Variants in PARD3B observed in about 807,000 individuals in gnomAD.
PARD3B encodes the protein partitioning defective 3 homolog B.
A neutral mutation model predicts 130.2 loss-of-function variants in PARD3B; 103 were observed. That is an observed-to-expected ratio of 0.79 (90% confidence interval 0.67 to 0.93). PARD3B has a LOEUF of 0.93. PARD3B is among the 40% of genes least tolerant of loss of function. The pLI is 0.00. For synonymous variants in PARD3B, 583 were observed against 553.2 expected (o/e 1.05, Z -0.76); for missense variants, 1,609 against 1,499.2 (o/e 1.07, Z -1.21).
intron 19 of PARD3B, among the ~76,000 whole-genome samples, chr2:205,411,188 T>C (rs553747948): frequency 1.3e-5 from 2 of 152,280 alleles, no homozygotes; most frequent in South Asian, 4.2e-4. Flanking sequence ...CAAAGAATTA[T>C]CTGACTCATG....
chr2:205,039,455 A>C (rs1280943116), intron 3 of PARD3B, among the ~76,000 whole-genome samples: 4 of 151,970 alleles, frequency 2.6e-5, no homozygotes, highest in African/African-American at 7.2e-5. Flanking sequence ...TCTGATGGAC[A>C]GTTTATTTTA....
In PARD3B at chr2:205,458,140, T is replaced by G. The variant is rs1462026880; in HGVS notation, c.3044+17468T>G. Among the ~76,000 whole-genome samples the G allele has an allele frequency of 6.6e-6, 1 of 152,068 alleles. No homozygotes were observed. The highest frequency in any genetic ancestry group is 1.5e-5 in the Non-Finnish European group (1 of 67,986). On this transcript the variant is annotated intron_variant, in intron 20 of 22. Coordinates refer to ENST00000406610, the MANE Select transcript of PARD3B (RefSeq NM_001302769.2). This position sits in a 1 kb window ranked among gnomAD's most constrained non-coding sequence, Gnocchi z 4.8. ...GTGAGCGTGTGTTGGCAGGGAGGTATGTTTAAACCTGATTAGGATTTGCAG... is the reference window on the plus strand; with the variant it reads ...GTGAGCGTGTGTTGGCAGGGAGGTAGGTTTAAACCTGATTAGGATTTGCAG...
chr2:205,003,403 C>T (rs1019095626), intron 3 of PARD3B, among the ~76,000 whole-genome samples: 1 of 152,156 alleles, frequency 6.6e-6, no homozygotes, highest in Admixed American at 6.5e-5. Context: ...TAGCAGGGTA[C>T]AAGGCCTTCA....
intron 8 of PARD3B, 26 bp from the exon 9 acceptor site, chr2:205,124,301 T>C: frequency 6.8e-7 from 1 of 1,475,182 alleles, no homozygotes; most frequent in Non-Finnish European, 9.0e-7. Context: ...AAGATGACTA[T>C]ACATTTTCCT....
intron 2 of PARD3B, among the ~76,000 whole-genome samples, chr2:204,878,591 T>C (rs2045930328): frequency 6.6e-6 from 1 of 152,184 alleles, no homozygotes; most frequent in Non-Finnish European, 1.5e-5. Flanking sequence ...AACATATATA[T>C]GCCCCTTCAA....
intron 2 of PARD3B, among the ~76,000 whole-genome samples, chr2:204,874,273 A>G (rs571159458): frequency 7.9e-5 from 12 of 152,330 alleles, no homozygotes; most frequent in East Asian, 5.8e-4. Flanking sequence ...CCTGTATTAC[A>G]TCAGGGTACA....
chr2:204,991,392 C>A (rs1466302340), intron 3 of PARD3B, among the ~76,000 whole-genome samples: 2 of 143,782 alleles, frequency 1.4e-5, no homozygotes, highest in South Asian at 2.4e-4. Flanking sequence ...CATGTCCCTA[C>A]AAAGGACATG....
intron 20 of PARD3B, among the ~76,000 whole-genome samples, chr2:205,449,455 T>C (rs1304263670): frequency 6.6e-6 from 1 of 152,054 alleles, no homozygotes; most frequent in Admixed American, 6.5e-5. Context: ...GGTCTCGAAC[T>C]CCTGACCTCA....
intron 3 of PARD3B, among the ~76,000 whole-genome samples, chr2:205,028,960 A>G (rs567375328): frequency 1.3e-5 from 2 of 152,276 alleles, no homozygotes; most frequent in African/African-American, 4.8e-5. Flanking sequence ...ACATTTGGGA[A>G]TAGATTGTAA....
chr2:204,695,741 G>A (rs575722906), intron 2 of PARD3B, among the ~76,000 whole-genome samples: 1 of 152,122 alleles, frequency 6.6e-6, no homozygotes, highest in Admixed American at 6.6e-5. Flanking sequence ...AAGGGCTTGT[G>A]GTGGTATGAG....
At chr2:205,054,289 G>A (rs945755893) in intron 4 of PARD3B, among the ~76,000 whole-genome samples, 8 of 150,546 alleles carry the variant, frequency 5.3e-5, no homozygotes, top group African/African-American at 1.7e-4. Context: ...CCCTATTTAG[G>A]TGTGTGCTCC....
Position 204,588,615 on chromosome 2 carries a change from A to T in PARD3B, c.120+42496A>T, listed in dbSNP as rs138358389. ...AATCTTTATTCTAAAATCTTATCCT[A>T]CAATAGTTCAATGAAAGGTGCTTTT... On this transcript the variant is annotated intron_variant, in intron 1 of 22. Transcript: ENST00000406610. Among the ~76,000 whole-genome samples the T allele has an allele frequency of 3.0e-3, 452 of 152,274 alleles. 4 individuals are homozygous for T. Among genetic ancestry groups the T allele is most frequent in the South Asian group, 7.1e-3 (34 of 4,822 alleles).
intron 4 of PARD3B, among the ~76,000 whole-genome samples, chr2:205,084,010 G>A (rs545142001): frequency 6.6e-6 from 1 of 152,062 alleles, no homozygotes; most frequent in African/African-American, 2.4e-5. Flanking sequence ...AAATCACTGT[G>A]TCATCATTCC....
intron 21 of PARD3B, among the ~76,000 whole-genome samples, chr2:205,534,467 T>C (rs1309919169): frequency 1.4e-5 from 2 of 142,684 alleles, no homozygotes; most frequent in Non-Finnish European, 3.1e-5. Context: ...TGGAGTCCAC[T>C]TTTTTTTTTT....
chr2:204,935,431 C>T (rs555806641), intron 2 of PARD3B, among the ~76,000 whole-genome samples: 108 of 149,772 alleles, frequency 7.2e-4, no homozygotes, highest in Admixed American at 1.5e-3. Context: ...CCCAGCTACT[C>T]GGGAGGCTGA....
chr2:204,789,608 G>A (rs2042129170), intron 2 of PARD3B, among the ~76,000 whole-genome samples: 1 of 152,148 alleles, frequency 6.6e-6, no homozygotes, highest in Non-Finnish European at 1.5e-5. Context: ...GAACTACTGG[G>A]AAAGCCATCA....
At chr2:204,590,994 C>T (rs2033050845) in intron 1 of PARD3B, among the ~76,000 whole-genome samples, 2 of 152,104 alleles carry the variant, frequency 1.3e-5, no homozygotes, top group African/African-American at 4.8e-5. Flanking sequence ...TTAGTATCTC[C>T]AGTTGGGGTT....
intron 18 of PARD3B, among the ~76,000 whole-genome samples, chr2:205,384,348 G>A (rs961980918): frequency 4.6e-5 from 7 of 152,048 alleles, no homozygotes; most frequent in African/African-American, 2.4e-5. Flanking sequence ...GAAAGACAGA[G>A]AAAAAGGGGA....
intron 21 of PARD3B, among the ~76,000 whole-genome samples, chr2:205,504,984 C>T (rs1259896185): frequency 6.6e-6 from 1 of 152,130 alleles, no homozygotes; most frequent in African/African-American, 2.4e-5. Context: ...AGACTTGGAA[C>T]CAAGCCAAAT....
Sources: allele counts gnomAD v4.1 joint callset (sites outside exome capture counted in the v4.1 genomes callset), GRCh38; gene constraint gnomAD v4.1.1; non-coding constraint Gnocchi (gnomAD v3.1); transcripts MANE v1.5; gene names NCBI Gene and HGNC (gene_info 2026-07-23, HGNC 2026-07-21).